Variants in ZC3H13 observed in about 807,000 individuals in gnomAD.
ZC3H13 encodes zinc finger CCCH-type containing 13.
Under a neutral mutation model 204.1 loss-of-function variants are expected in ZC3H13, and 64 were observed. The observed-to-expected ratio is 0.31, with a 90% CI of 0.26 to 0.39. ZC3H13 has a LOEUF of 0.39. Ranked by LOEUF, ZC3H13 falls within the 10% of genes least tolerant of loss-of-function variation. The pLI, the probability that ZC3H13 is intolerant of heterozygous loss-of-function variation, is 1.00. For synonymous variants in ZC3H13, 667 were observed against 693.7 expected, an observed-to-expected ratio of 0.96 and a Z score of 0.60; for missense variants, 1,833 against 2,082.7, an observed-to-expected ratio of 0.88 and a Z score of 2.33.
intron 4 of ZC3H13, among the ~76,000 whole-genome samples, chr13:46,025,363 G>A (rs1215169377): frequency 1.3e-5 from 2 of 152,184 alleles, no homozygotes; most frequent in Non-Finnish European, 2.9e-5. Context: ...CTGAAGAGCA[G>A]TGACGCAATC....
At position 46,022,420 on chromosome 13, in the gene ZC3H13, T is replaced by C. The variant is rs2042273240; in HGVS notation, c.340-1863A>G. 1.3e-5 allele frequency among the ~76,000 whole-genome samples: 2 copies of C among 151,998 alleles called. 1 individual carries two copies. Among genetic ancestry groups the C allele is most frequent in the South Asian group, 4.1e-4 (2 of 4,838 alleles). The stretch of plus-strand genomic sequence containing the variant: ...CAACAATGTGTAACTTGTTTAGGTA[T>C]GTTATGCCTTTTATCAAACAAAGTT... On this transcript the variant is annotated intron_variant, in intron 4 of 18. Transcript: ENST00000679008.
chr13:46,024,803 C>T (rs368177501), intron 4 of ZC3H13, among the ~76,000 whole-genome samples: 2 of 151,688 alleles, frequency 1.3e-5, no homozygotes, highest in Admixed American at 6.6e-5. Flanking sequence ...GTTTTTAAAC[C>T]TTGTCAATAC....
chr13:46,024,699 A>G (rs556456273), intron 4 of ZC3H13, among the ~76,000 whole-genome samples: 2 of 144,510 alleles, frequency 1.4e-5, no homozygotes, highest in South Asian at 4.4e-4. Context: ...CTCAGCTACT[A>G]TTTCTTAAAA....
intron 1 of ZC3H13, among the ~76,000 whole-genome samples, chr13:46,050,220 GC>G (rs2044302279): frequency 6.6e-6 from 1 of 151,880 alleles, no homozygotes; most frequent in Non-Finnish European, 1.5e-5. Context: ...CTGCTCCCTT[GC>G]CCCGAGAAAC....
At chr13:46,048,119 T>A (rs2044105926) in intron 1 of ZC3H13, among the ~76,000 whole-genome samples, 1 of 152,232 alleles carries the variant, frequency 6.6e-6, no homozygotes, top group African/African-American at 2.4e-5. Context: ...ACATTGGTCA[T>A]CTATCATCTC....
intron 16 of ZC3H13, among the ~76,000 whole-genome samples, chr13:45,964,684 A>T (rs1358479915): frequency 6.6e-6 from 1 of 152,184 alleles, no homozygotes; most frequent in Non-Finnish European, 1.5e-5. Flanking sequence ...CAAAGAAAAG[A>T]TCCTCACTGT....
At chr13:46,028,739 A>T (rs547094975) in intron 4 of ZC3H13, among the ~76,000 whole-genome samples, 34 of 152,334 alleles carry the variant, frequency 2.2e-4, no homozygotes, top group African/African-American at 7.2e-4. Flanking sequence ...AAAAATTTTT[A>T]AAATATTTTA....
intron 5 of ZC3H13, among the ~76,000 whole-genome samples, chr13:46,015,980 A>G (rs748132129): frequency 1.8e-4 from 27 of 152,132 alleles, no homozygotes; most frequent in Non-Finnish European, 3.5e-4. Flanking sequence ...AGACATTTGG[A>G]ACAGACACTT....
rs755355633 is a variant in ZC3H13 at position 45,971,075 on chromosome 13, T to C, written c.2469-610A>G. Among the ~76,000 whole-genome samples, 60 of 152,306 alleles carry C rather than the reference T, an allele frequency of 3.9e-4. 1 individual carries two copies. In the Middle Eastern group the frequency reaches 0.01, roughly 26 times the overall value. On this transcript the variant is annotated intron_variant, in intron 12 of 18. Transcript: ENST00000679008. ...GTCATAAACCCAGTGCCAAATATGT[T>C]GTGGGTACACCATAAAATTAGTTCC...
At chr13:46,043,386 A>G (rs974757521) in intron 3 of ZC3H13, among the ~76,000 whole-genome samples, 14 of 151,964 alleles carry the variant, frequency 9.2e-5, no homozygotes, top group Non-Finnish European at 1.6e-4. Flanking sequence ...GCTAAACTTG[A>G]AACTGGAATC....
At chr13:45,981,331 T>G (rs1953580397) in intron 10 of ZC3H13, among the ~76,000 whole-genome samples, 1 of 152,228 alleles carries the variant, frequency 6.6e-6, no homozygotes, top group African/African-American at 2.4e-5. Context: ...TTTTTATGGC[T>G]GCATAGTATT....
At chr13:46,052,337 G>C (rs1223569239) in intron 1 of ZC3H13, 67 bp downstream of exon 1, 1 of 392,754 alleles carries the variant, frequency 2.5e-6, no homozygotes, top group Non-Finnish European at 4.5e-6. Flanking sequence ...GGGTAACCCG[G>C]GCCTCCGCAT....
chr13:45,996,748 CAAAAA>C (rs79022953), intron 8 of ZC3H13, among the ~76,000 whole-genome samples: 2 of 50,570 alleles, frequency 4.0e-5, no homozygotes, highest in African/African-American at 6.6e-5. Context: ...TGAATATGTA[CAAAAA>C]AAAAAAAAAA....
intron 15 of ZC3H13, among the ~76,000 whole-genome samples, chr13:45,966,302 A>T (rs1952080482): frequency 6.6e-6 from 1 of 152,134 alleles, no homozygotes; most frequent in Admixed American, 6.6e-5. Flanking sequence ...AAGTTATGAG[A>T]TGTTTCTAGT....
At chr13:46,014,238 C>T (rs1566286916) in intron 5 of ZC3H13, among the ~76,000 whole-genome samples, 1 of 152,036 alleles carries the variant, frequency 6.6e-6, no homozygotes. Flanking sequence ...CATAGGTATA[C>T]ATGTGCCATG....
chr13:45,957,168 G>A lies in ZC3H13; in HGVS notation c.4969C>T (p.Leu1657Phe). 1 of 1,547,262 alleles carries A rather than the reference G, an allele frequency of 6.5e-7. No individual in the cohort carries two copies. The change falls in exon 19 of 19, where the codon CTT (leucine) becomes TTT (phenylalanine). Residue 1657 changes from leucine (L) to phenylalanine (F), a missense_variant. Physicochemically the swap from Leu to Phe is conservative, Grantham distance 22. This residue lies in a region of ZC3H13 where 211 missense variants were observed against 228.4 expected (regional missense o/e 0.92). Transcript: ENST00000679008. ...PGHEKTEDNK[L>F]SQSSIQQELC... ...TCCTGTTGGATACTGGACTGTGAAA[G>A]TTTATTATCTTCAGTCTTTTCATGT...
At position 45,969,747 on chromosome 13, in the gene ZC3H13, G is replaced by T; in HGVS notation, c.2797C>A (p.Arg933Ser). 2.5e-6 allele frequency: 4 copies of T among 1,613,606 alleles called. No individual in the cohort carries two copies. Among genetic ancestry groups the T allele is most frequent in the Non-Finnish European group, 3.4e-6 (4 of 1,179,968 alleles). ...TGGTGTCCTATAATGTCCTGTGCACGCATTCTTGAGCTTTCCAGGATTTCT... is the reference window on the plus strand; with the variant it reads ...TGGTGTCCTATAATGTCCTGTGCACTCATTCTTGAGCTTTCCAGGATTTCT... ...QTEILESSRM[R>S]AQDIIGHHQS... Residue 933 changes from arginine to serine, a missense_variant, in exon 14 of 19, where the codon CGT becomes AGT. Around this residue, in one of 5 missense-constraint regions of ZC3H13, gnomAD observed 1,574 missense variants for 1,757.2 expected, o/e 0.90. Transcript: ENST00000679008.
chr13:46,013,371 G>A (rs368259416), intron 5 of ZC3H13, among the ~76,000 whole-genome samples: 1 of 150,892 alleles, frequency 6.6e-6, no homozygotes, highest in South Asian at 2.1e-4. Flanking sequence ...CTGACATCGT[G>A]CCACTGCACT....
intron 1 of ZC3H13, among the ~76,000 whole-genome samples, chr13:46,047,477 A>G (rs2044050313): frequency 6.6e-6 from 1 of 152,174 alleles, no homozygotes; most frequent in Non-Finnish European, 1.5e-5. Flanking sequence ...AATTCTACAT[A>G]CTGGTGTTAG....
Sources: allele counts gnomAD v4.1 joint callset (sites outside exome capture counted in the v4.1 genomes callset), GRCh38; gene constraint gnomAD v4.1.1; regional missense constraint gnomAD v4.1.1; transcripts MANE v1.5; gene names NCBI Gene and HGNC (gene_info 2026-07-23, HGNC 2026-07-21).